The following USP12 variants were observed in gnomAD, a reference collection of about 807,000 sequenced individuals.
The protein encoded by USP12 is ubiquitin carboxyl-terminal hydrolase 12.
A neutral mutation model predicts 45.5 loss-of-function variants in USP12; 19 were observed. The ratio of observed to expected loss-of-function variants is 0.42; its 90% CI spans 0.29 to 0.61. The LOEUF (loss-of-function observed/expected upper bound fraction) is 0.61, where lower values mean the gene tolerates loss of function less well. Among genes scored for constraint, USP12 ranks in the 20% least tolerant of loss-of-function variants. USP12 has a pLI of 0.22. For synonymous variants in USP12, 149 were observed against 148.8 expected, an observed-to-expected ratio of 1.00 and a Z score of -0.01; for missense variants, 242 against 447.7, an observed-to-expected ratio of 0.54 and a Z score of 4.15.
At chr13:27,080,026 C>G (rs944736461) in intron 6 of USP12, among the ~76,000 whole-genome samples, 3 of 152,166 alleles carry the variant, frequency 2.0e-5, no homozygotes, top group African/African-American at 7.2e-5. Flanking sequence ...GCAGCAGAAC[C>G]TGAACTCCAG....
intron 1 of USP12, among the ~76,000 whole-genome samples, chr13:27,133,707 C>T (rs1231816232): frequency 6.6e-6 from 1 of 151,956 alleles, no homozygotes; most frequent in African/African-American, 2.4e-5. Context: ...ACTCTCAGCC[C>T]ATACCAAAGC....
At chr13:27,094,631 T>C (rs1874480649) in intron 4 of USP12, among the ~76,000 whole-genome samples, 1 of 151,484 alleles carries the variant, frequency 6.6e-6, no homozygotes, top group African/African-American at 2.4e-5. Flanking sequence ...ACAACATGAA[T>C]GATATATTAT....
At chr13:27,087,119 G>C (rs1215032003) in intron 6 of USP12, among the ~76,000 whole-genome samples, 1 of 151,936 alleles carries the variant, frequency 6.6e-6, no homozygotes, top group African/African-American at 2.4e-5. Context: ...GTGTGTGTGT[G>C]TGTGCGTGTG....
At chr13:27,141,745 A>G (rs1021194026) in intron 1 of USP12, among the ~76,000 whole-genome samples, 1 of 152,232 alleles carries the variant, frequency 6.6e-6, no homozygotes, top group African/African-American at 2.4e-5. Context: ...AAGGAATGAC[A>G]GTCCTACTAC....
At chr13:27,160,948 C>T (rs1289737294) in intron 1 of USP12, among the ~76,000 whole-genome samples, 14 of 152,076 alleles carry the variant, frequency 9.2e-5, no homozygotes, top group Admixed American at 9.2e-4. Context: ...CTCTCCCTCC[C>T]GCCATCCTCC....
At chr13:27,166,176 C>T (rs557474333) in intron 1 of USP12, among the ~76,000 whole-genome samples, 1 of 152,206 alleles carries the variant, frequency 6.6e-6, no homozygotes, top group Non-Finnish European at 1.5e-5. Context: ...CCTTCTGGTC[C>T]AACTGCTCTT....
rs186881422 is a variant in USP12, at chr13:27,143,344, C to G, written c.49-26748G>C. ...TCACATTGATTCCTTATTCTGAAAA[C>G]TGGCAACTAAAGACTTCATTATCTA... On this transcript the variant is annotated intron_variant, in intron 1 of 8. Transcript: ENST00000282344. Among the ~76,000 whole-genome samples the G allele has an allele frequency of 3.0e-3, 464 of 152,224 alleles. 2 individuals carry two copies. The highest frequency in any genetic ancestry group is 0.011 in the African/African-American group (446 of 41,530).
At chr13:27,090,774 C>A (rs1056540056) in intron 4 of USP12, among the ~76,000 whole-genome samples, 2 of 152,188 alleles carry the variant, frequency 1.3e-5, no homozygotes, top group Admixed American at 6.6e-5. Flanking sequence ...ACAGGAGATA[C>A]GTCTGACTCA....
At chr13:27,134,717 A>C (rs968018020) in intron 1 of USP12, among the ~76,000 whole-genome samples, 1 of 152,056 alleles carries the variant, frequency 6.6e-6, no homozygotes, top group Non-Finnish European at 1.5e-5. Flanking sequence ...TGATTGTACA[A>C]GATAGACGTC....
intron 4 of USP12, among the ~76,000 whole-genome samples, chr13:27,092,170 T>C (rs1874347327): frequency 6.6e-6 from 1 of 152,134 alleles, no homozygotes; most frequent in Admixed American, 6.5e-5. Context: ...ACACGCATGG[T>C]ATTGATATGA....
intron 1 of USP12, among the ~76,000 whole-genome samples, chr13:27,160,791 T>C (rs1411892150): frequency 1.3e-5 from 2 of 152,070 alleles, no homozygotes; most frequent in South Asian, 2.1e-4. Context: ...CTTTTTTTTT[T>C]TTTTCCCCCT....
chr13:27,122,226 A>G (rs895160319), intron 1 of USP12, among the ~76,000 whole-genome samples: 2 of 144,210 alleles, frequency 1.4e-5, no homozygotes, highest in Admixed American at 6.8e-5. Flanking sequence ...GGTAAGAAAT[A>G]ATTTGAATCA....
At chr13:27,137,836 G>C (rs998848313) in intron 1 of USP12, among the ~76,000 whole-genome samples, 2 of 152,196 alleles carry the variant, frequency 1.3e-5, no homozygotes, top group Admixed American at 6.5e-5. Flanking sequence ...TAGCAGACTT[G>C]CTCCCTGACT....
intron 6 of USP12, among the ~76,000 whole-genome samples, chr13:27,082,948 G>A (rs1403452907): frequency 6.6e-6 from 1 of 152,222 alleles, no homozygotes; most frequent in Non-Finnish European, 1.5e-5. Context: ...TGATGCTCCT[G>A]CCTCAGCCTC....
At chr13:27,141,896 G>C (rs1877077102) in intron 1 of USP12, among the ~76,000 whole-genome samples, 1 of 152,082 alleles carries the variant, frequency 6.6e-6, no homozygotes, top group Admixed American at 6.6e-5. Flanking sequence ...AAAACACACT[G>C]AAAGAGGCTG....
intron 4 of USP12, among the ~76,000 whole-genome samples, chr13:27,095,010 C>G (rs994777310): frequency 6.6e-6 from 1 of 152,058 alleles, no homozygotes; most frequent in African/African-American, 2.4e-5. Context: ...TAAAAATTAG[C>G]TGGGTGTGGT....
intron 1 of USP12, among the ~76,000 whole-genome samples, chr13:27,135,211 A>G (rs866028473): frequency 6.6e-6 from 1 of 152,194 alleles, no homozygotes; most frequent in Non-Finnish European, 1.5e-5. Context: ...CAATAGCTGA[A>G]GGCAGAGGTT....
chr13:27,080,962 CTG>C (rs1873728110), intron 6 of USP12, among the ~76,000 whole-genome samples: 1 of 151,244 alleles, frequency 6.6e-6, no homozygotes, highest in African/African-American at 2.4e-5. Flanking sequence ...ATGATGACTG[CTG>C]ACTGATCAGG....
At chr13:27,116,674 C>T (rs1040147178) in intron 1 of USP12, 78 bp from the exon 2 acceptor site, 45 of 1,360,924 alleles carry the variant, frequency 3.3e-5, no homozygotes, top group East Asian at 7.3e-5. Context: ...AATGACAGGC[C>T]GCAACATGAT....
Sources: allele counts gnomAD v4.1 joint callset (sites outside exome capture counted in the v4.1 genomes callset), GRCh38; gene constraint gnomAD v4.1.1; transcripts MANE v1.5; gene names NCBI Gene and HGNC (gene_info 2026-07-23, HGNC 2026-07-21).